GTF2IRD1: variants seen among roughly 807,000 people sequenced by gnomAD.
GTF2IRD1 encodes GTF2I repeat domain containing 1, also known as general transcription factor II-I repeat domain-containing protein 1.
Under a neutral mutation model 113.2 loss-of-function variants are expected in GTF2IRD1, and 26 were observed. That is an observed-to-expected ratio of 0.23 (90% CI 0.17 to 0.32). The LOEUF is 0.32. Ranked by LOEUF, GTF2IRD1 falls within the 10% of genes least tolerant of loss-of-function variation. The probability of loss-of-function intolerance (pLI) is 1.00; values close to 1 mark genes in which losing one functional copy is unlikely to be tolerated. For missense variants in GTF2IRD1, 864 were observed against 1,280.8 expected (o/e 0.67, Z 4.97); for synonymous variants, 484 against 529.1 (o/e 0.91, Z 1.17).
intron 7 of GTF2IRD1, among the ~76,000 whole-genome samples, chr7:74,523,735 A>C (rs1584596294): frequency 2.6e-5 from 4 of 151,394 alleles, no homozygotes; most frequent in East Asian, 1.9e-4. Flanking sequence ...AAAAAAAAAA[A>C]CATAAGACTC....
rs557739270 is a variant in GTF2IRD1 at position 74,471,618 on chromosome 7, CTA to C, written c.-7+17444_-7+17445del. Among the ~76,000 whole-genome samples, 15 of 128,746 alleles carry C rather than the reference CTA, an allele frequency of 1.2e-4. No individual in the cohort carries two copies. The South Asian group carries it at 4.1e-3, about 35-fold the overall frequency. 84.5% of individuals were successfully genotyped at this position (128,746 alleles called of 152,430 possible). On this transcript the variant is annotated intron_variant, in intron 1 of 26. Transcript: ENST00000424337. ...TTGAGCCCAGAAGTTTGAGACCAAA[CTA>C]TGTTTACTGGGTAACATAGCAAGAC... is the stretch of plus-strand genomic sequence containing the variant.
rs1797059768 is a variant in GTF2IRD1, at chr7:74,518,125, ACT to A, written c.422-10_422-9del. ...CTCTCATACCAGGCCCCTCTCCTGG[ACT>A]CTCCCCTACAGGCGAGGCCCTGGGA... On this transcript the variant is annotated splice_polypyrimidine_tract_variant and intron_variant, in intron 4 of 26. Coordinates refer to ENST00000424337, the MANE Select transcript of GTF2IRD1 (RefSeq NM_005685.4). 1 of 1,521,224 alleles carries A rather than the reference ACT, an allele frequency of 6.6e-7. No homozygotes were observed. Among genetic ancestry groups the A allele is most frequent in the Non-Finnish European group, 8.8e-7 (1 of 1,130,870 alleles). 94.2% of individuals were successfully genotyped at this position (1,521,224 alleles called of 1,614,324 possible). A position where few individuals can be genotyped will look rare whatever the true frequency, so the allele number is the denominator to read the frequency against.
intron 3 of GTF2IRD1, 101 bp from the exon 4 acceptor site, chr7:74,515,340 G>T: frequency 6.5e-7 from 1 of 1,532,810 alleles, no homozygotes; most frequent in Non-Finnish European, 8.8e-7. Context: ...CACATTGTGT[G>T]CCAGTCTCCG....
Position 74,508,025 on chromosome 7 carries a change from A to C in GTF2IRD1, c.-6-50A>C, listed in dbSNP as rs10239517. ...TTGGGGTGGGCAGCCACCATATGAG[A>C]CAAGCCCCCTGCCTTGTGCCCACCA... On this transcript the variant is annotated intron_variant, in intron 1 of 26. Transcript: ENST00000424337. The C allele has an allele frequency of 0.019, 30,199 of 1,565,516 alleles. 3,413 individuals carry two copies. In the African/African-American group the frequency reaches 0.29, roughly 15 times the overall value.
At chr7:74,531,279 G>A (rs1223695218) in intron 9 of GTF2IRD1, among the ~76,000 whole-genome samples, 1 of 152,068 alleles carries the variant, frequency 6.6e-6, no homozygotes, top group African/African-American at 2.4e-5. Context: ...GCTGAGGCAT[G>A]AGAATGGCTT....
rs547113824 is a variant in GTF2IRD1, at chr7:74,496,881, G to A, written c.-6-11194G>A. Among the ~76,000 whole-genome samples, 349 of 152,114 alleles carry A rather than the reference G, an allele frequency of 2.3e-3. 1 individual carries two copies. Among genetic ancestry groups the A allele is most frequent in the Non-Finnish European group, 3.7e-3 (254 of 67,998 alleles). On this transcript the variant is annotated intron_variant, in intron 1 of 26. Coordinates refer to ENST00000424337, the MANE Select transcript of GTF2IRD1 (RefSeq NM_005685.4). ...CCCCATTTTGAAAAATTCTATTAAG[G>A]CCAGGCATGGTGGCTTATGCCTATA... is the stretch of plus-strand genomic sequence containing the variant.
chr7:74,481,004 G>T (rs1794712096), intron 1 of GTF2IRD1, among the ~76,000 whole-genome samples: 1 of 152,172 alleles, frequency 6.6e-6, no homozygotes. Flanking sequence ...GAGGCAGGCG[G>T]CTCCCTCACT....
At chr7:74,600,643 A>G (rs782201949) in intron 25 of GTF2IRD1, among the ~76,000 whole-genome samples, 9 of 152,090 alleles carry the variant, frequency 5.9e-5, no homozygotes, top group Non-Finnish European at 1.3e-4. Flanking sequence ...CCCAGAAGGC[A>G]AAGGTTGCAG....
chr7:74,491,308 A>AT (rs1375437240), intron 1 of GTF2IRD1, among the ~76,000 whole-genome samples: 235 of 130,766 alleles, frequency 1.8e-3, no homozygotes, highest in African/African-American at 6.5e-3. Flanking sequence ...AGAAAAAAAA[A>AT]TTCTTTTTTT....
chr7:74,581,510 G>A (rs1402124419), intron 22 of GTF2IRD1, among the ~76,000 whole-genome samples: 1 of 152,204 alleles, frequency 6.6e-6, no homozygotes, highest in Admixed American at 6.5e-5. Context: ...TCTCTGAGGC[G>A]ATTCTCTGAT....
At chr7:74,560,586 A>G (rs1362132937) in intron 22 of GTF2IRD1, among the ~76,000 whole-genome samples, 2 of 149,730 alleles carry the variant, frequency 1.3e-5, no homozygotes, top group Non-Finnish European at 3.0e-5. Context: ...TTATATAGAG[A>G]GAGAGAGAGA....
At chr7:74,461,335 T>C (rs909194206) in intron 1 of GTF2IRD1, among the ~76,000 whole-genome samples, 5 of 152,110 alleles carry the variant, frequency 3.3e-5, no homozygotes, top group Admixed American at 6.5e-5. Flanking sequence ...CTCCAGGCTG[T>C]TTGTGTCTTA....
At chr7:74,511,897 A>G (rs1796659838) in intron 2 of GTF2IRD1, among the ~76,000 whole-genome samples, 1 of 152,158 alleles carries the variant, frequency 6.6e-6, no homozygotes, top group Non-Finnish European at 1.5e-5. Flanking sequence ...CCTCTGGGCT[A>G]TGGGGCTGCA....
chr7:74,573,478 C>A (rs1800816539), intron 22 of GTF2IRD1, among the ~76,000 whole-genome samples: 1 of 151,546 alleles, frequency 6.6e-6, no homozygotes, highest in Non-Finnish European at 1.5e-5. Context: ...TTGGGGGCGC[C>A]TTTAGAGTCT....
intron 1 of GTF2IRD1, among the ~76,000 whole-genome samples, chr7:74,479,553 C>G (rs969623054): frequency 6.6e-6 from 1 of 152,124 alleles, no homozygotes; most frequent in African/African-American, 2.4e-5. Context: ...AGAGCAGGGC[C>G]TGGGCACAGT....
Position 74,519,556 on chromosome 7 carries a change from C to T in GTF2IRD1, c.753C>T (p.Ser251=). 2.5e-6 allele frequency: 4 copies of T among 1,612,364 alleles called. No homozygotes were observed. Among genetic ancestry groups the T allele is most frequent in the Non-Finnish European group, 3.4e-6 (4 of 1,179,548 alleles). ...ACCTGCCCCCAACCGCCACCTCCTCCTCCATGGCCAGCTTCCTGTACAGCA... is the reference window on the plus strand; with the variant it reads ...ACCTGCCCCCAACCGCCACCTCCTCTTCCATGGCCAGCTTCCTGTACAGCA... ...PQDLPPTATS[S]SMASFLYSTA... Residue 251 remains serine, a synonymous_variant, in exon 6 of 27, where the codon TCC becomes TCT. Coordinates refer to ENST00000424337, the MANE Select transcript of GTF2IRD1 (RefSeq NM_005685.4).
At chr7:74,585,591 T>C (rs1430126278) in intron 22 of GTF2IRD1, among the ~76,000 whole-genome samples, 1 of 151,994 alleles carries the variant, frequency 6.6e-6, no homozygotes, top group African/African-American at 2.4e-5. Context: ...CTACAGCTAC[T>C]GTAGGGGAGC....
At chr7:74,568,380 G>A (rs1171086379) in intron 22 of GTF2IRD1, among the ~76,000 whole-genome samples, 1 of 151,376 alleles carries the variant, frequency 6.6e-6, no homozygotes, top group Non-Finnish European at 1.5e-5. Flanking sequence ...CGGGCGTGGT[G>A]GCTCACGCCT....
rs587729482 is a variant in GTF2IRD1 at position 74,578,057 on chromosome 7, G to A, written c.2321-11794G>A. On this transcript the variant is annotated intron_variant, in intron 22 of 26. Coordinates refer to ENST00000424337, the MANE Select transcript of GTF2IRD1 (RefSeq NM_005685.4). Reference sequence around the variant, plus strand: ...TGCCCTCAAGTGATCCTCCTGTCTCGGCCTCCCAAAGTGCTGAGATTATAG... The same window carrying A: ...TGCCCTCAAGTGATCCTCCTGTCTCAGCCTCCCAAAGTGCTGAGATTATAG... Among the ~76,000 whole-genome samples, 150 of 152,086 alleles carry A rather than the reference G, an allele frequency of 9.9e-4. 1 individual carries two copies. Among genetic ancestry groups the A allele is most frequent in the African/African-American group, 3.3e-3 (137 of 41,484 alleles).
Sources: allele counts gnomAD v4.1 joint callset (sites outside exome capture counted in the v4.1 genomes callset), GRCh38; gene constraint gnomAD v4.1.1; transcripts MANE v1.5; gene names NCBI Gene and HGNC (gene_info 2026-07-23, HGNC 2026-07-21).